LRRC8C: variants seen among roughly 807,000 people sequenced by gnomAD.
LRRC8C encodes the protein volume-regulated anion channel subunit LRRC8C.
In LRRC8C, 20 loss-of-function variants were observed where a neutral mutation model predicts 55.3. The observed-to-expected ratio is 0.36, with a 90% CI of 0.25 to 0.53. The LOEUF (loss-of-function observed/expected upper bound fraction) is 0.53, where lower values mean the gene tolerates loss of function less well. Among genes scored for constraint, LRRC8C ranks in the 20% least tolerant of loss-of-function variants. The pLI is 0.92. For missense variants in LRRC8C, 659 were observed against 951.4 expected, an observed-to-expected ratio of 0.69 and a Z score of 4.04; for synonymous variants, 376 against 360.7, an observed-to-expected ratio of 1.04 and a Z score of -0.48.
chr1:89,623,877 A>G, the LRRC8C span, among the ~76,000 whole-genome samples: 16 of 152,380 alleles, frequency 1.1e-4, no homozygotes, highest in South Asian at 1.9e-3. Context: ...TAGTCGTTGT[A>G]AAGAAATGTG....
At chr1:89,709,712 T>TTTTTG (rs900971639) in intron 2 of LRRC8C, among the ~76,000 whole-genome samples, 3 of 151,820 alleles carry the variant, frequency 2.0e-5, no homozygotes, top group African/African-American at 4.8e-5. Flanking sequence ...CCTCTGTGTT[T>TTTTTG]TTTTGTTTTG....
chr1:89,646,467 G>T (rs1303359097), intron 1 of LRRC8C, among the ~76,000 whole-genome samples: 1 of 152,042 alleles, frequency 6.6e-6, no homozygotes, highest in African/African-American at 2.4e-5. Context: ...AGAATGCAAG[G>T]TTGGTTTAAC....
chr1:89,685,279 C>T lies in LRRC8C; in HGVS notation c.-4-1191C>T, dbSNP rs909908063. 2.1e-4 allele frequency among the ~76,000 whole-genome samples: 22 copies of T among 104,598 alleles called. No homozygotes were observed. The East Asian group carries it at 2.4e-3, about 11-fold the overall frequency. 68.6% of individuals were successfully genotyped at this position (104,598 alleles called of 152,430 possible). A position where few individuals can be genotyped will look rare whatever the true frequency, so the allele number is the denominator to read the frequency against. ...GACTACAGGCGCCCGCCACCGCGCC[C>T]GGCTAATTTTTTGTATTTTTAGTAG... On this transcript the variant is annotated intron_variant, in intron 1 of 2. Transcript: ENST00000370454.
At chr1:89,625,506 C>T in the LRRC8C span, among the ~76,000 whole-genome samples, 10 of 151,796 alleles carry the variant, frequency 6.6e-5, no homozygotes, top group Non-Finnish European at 1.5e-4. Flanking sequence ...CCTAAAGAGA[C>T]AAAAATATGA....
intron 1 of LRRC8C, among the ~76,000 whole-genome samples, chr1:89,637,216 G>A (rs1427531703): frequency 1.3e-5 from 2 of 151,914 alleles, no homozygotes; most frequent in African/African-American, 4.8e-5. Context: ...CAAATATACC[G>A]AGCATGTCAA....
chr1:89,706,989 A>G (rs1658498029), intron 2 of LRRC8C, among the ~76,000 whole-genome samples: 1 of 152,136 alleles, frequency 6.6e-6, no homozygotes, highest in African/African-American at 2.4e-5. Context: ...TCTTTTCCAT[A>G]AGTACTGCAT....
At chr1:89,707,022 C>A (rs543883977) in intron 2 of LRRC8C, among the ~76,000 whole-genome samples, 6 of 152,094 alleles carry the variant, frequency 3.9e-5, no homozygotes, top group Non-Finnish European at 8.8e-5. Context: ...AGTTGTGGAA[C>A]AAGTTTATGT....
intron 1 of LRRC8C, among the ~76,000 whole-genome samples, chr1:89,681,920 G>A (rs1657722825): frequency 6.6e-6 from 1 of 152,206 alleles, no homozygotes; most frequent in East Asian, 1.9e-4. Context: ...GGGCACGCCT[G>A]TAATCCCAGC....
At chr1:89,631,561 T>C (rs1488794784), upstream of LRRC8C, 2 of 152,130 alleles carry the variant, frequency 1.3e-5, no homozygotes, top group Non-Finnish European at 2.9e-5. Context: ...TTAGAGAGTA[T>C]TGCTGCATCT....
upstream of LRRC8C, among the ~76,000 whole-genome samples, chr1:89,630,334 C>T (rs1352017668): frequency 6.6e-6 from 1 of 152,172 alleles, no homozygotes; most frequent in Admixed American, 6.5e-5. Context: ...GATGAGGAAA[C>T]TGAAGTTCAT....
chr1:89,659,048 GTTTTT>G (rs771955175), intron 1 of LRRC8C, among the ~76,000 whole-genome samples: 1 of 26,230 alleles, frequency 3.8e-5, no homozygotes, highest in African/African-American at 1.1e-4. Context: ...TCTTCTCCAG[GTTTTT>G]TTTTTTTTTG....
intron 2 of LRRC8C, among the ~76,000 whole-genome samples, chr1:89,710,753 T>C (rs547321685): frequency 9.8e-5 from 15 of 152,328 alleles, no homozygotes; most frequent in Middle Eastern, 3.4e-3. Context: ...GCATAGGACA[T>C]GGCAAGCAGT....
chr1:89,649,822 C>T (rs1656708813), intron 1 of LRRC8C, among the ~76,000 whole-genome samples: 1 of 152,158 alleles, frequency 6.6e-6, no homozygotes, highest in Admixed American at 6.5e-5. Context: ...CAGAAATTTC[C>T]TTTAACTCTT....
At chr1:89,682,614 A>G (rs1276052475) in intron 1 of LRRC8C, among the ~76,000 whole-genome samples, 1 of 152,190 alleles carries the variant, frequency 6.6e-6, no homozygotes, top group Non-Finnish European at 1.5e-5. Context: ...TTAGTAAGGC[A>G]CCTTCACATT....
At chr1:89,621,455 A>T in the LRRC8C span, among the ~76,000 whole-genome samples, 1 of 152,144 alleles carries the variant, frequency 6.6e-6, no homozygotes, top group African/African-American at 2.4e-5. Context: ...CGACAGAGCG[A>T]GACACCATCT....
intron 1 of LRRC8C, among the ~76,000 whole-genome samples, chr1:89,655,932 G>A (rs1251386139): frequency 1.3e-5 from 2 of 152,174 alleles, no homozygotes; most frequent in Non-Finnish European, 2.9e-5. Context: ...CCATTGGCTA[G>A]GACTAAGTCC....
intron 1 of LRRC8C, among the ~76,000 whole-genome samples, chr1:89,685,052 CAAA>C (rs1257725373): frequency 6.9e-6 from 1 of 145,748 alleles, no homozygotes; most frequent in Non-Finnish European, 1.5e-5. Flanking sequence ...AAGCTGTAAT[CAAA>C]GAAGAGGCTT....
intron 1 of LRRC8C, among the ~76,000 whole-genome samples, chr1:89,666,355 G>A (rs1196526918): frequency 2.0e-5 from 3 of 152,098 alleles, no homozygotes; most frequent in East Asian, 1.9e-4. Context: ...CATGGCACAC[G>A]TATACATATG....
chr1:89,621,289 T>C, the LRRC8C span, among the ~76,000 whole-genome samples: 9 of 116,772 alleles, frequency 7.7e-5, no homozygotes, highest in African/African-American at 3.4e-4. Flanking sequence ...TGAAACCCCG[T>C]CTCTACTAAA....
Sources: allele counts gnomAD v4.1 joint callset (sites outside exome capture counted in the v4.1 genomes callset), GRCh38; gene constraint gnomAD v4.1.1; transcripts MANE v1.5; gene names NCBI Gene and HGNC (gene_info 2026-07-23, HGNC 2026-07-21).